The following RNF19B variants were observed in gnomAD, a reference collection of about 807,000 sequenced individuals.
RNF19B encodes ring finger protein 19B, also known as E3 ubiquitin-protein ligase RNF19B.
Under a neutral mutation model 65.5 loss-of-function variants are expected in RNF19B, and 23 were observed. That is an observed-to-expected ratio of 0.35 (90% CI 0.25 to 0.50). The LOEUF is 0.50. RNF19B is among the 20% of genes least tolerant of loss of function. The probability of loss-of-function intolerance (pLI) is 0.98; values close to 1 mark genes in which losing one functional copy is unlikely to be tolerated. For synonymous variants in RNF19B, 372 were observed against 379.6 expected, an observed-to-expected ratio of 0.98 and a Z score of 0.23; for missense variants, 794 against 980.0, an observed-to-expected ratio of 0.81 and a Z score of 2.53.
At chr1:32,943,600 A>T (rs2124127314) in intron 6 of RNF19B, among the ~76,000 whole-genome samples, 1 of 151,992 alleles carries the variant, frequency 6.6e-6, no homozygotes, top group African/African-American at 2.4e-5. Flanking sequence ...TGGGTGACAG[A>T]GACTCCGTCT....
At chr1:32,933,001 G>A (rs924080269), downstream of RNF19B, among the ~76,000 whole-genome samples, 21 of 152,236 alleles carry the variant, frequency 1.4e-4, no homozygotes, top group Middle Eastern at 6.8e-3. Flanking sequence ...TATCAAGGAG[G>A]ACCAACCTGG....
intron 1 of RNF19B, among the ~76,000 whole-genome samples, chr1:32,958,248 A>G (rs1642687460): frequency 6.6e-6 from 1 of 152,246 alleles, no homozygotes; most frequent in Non-Finnish European, 1.5e-5. Flanking sequence ...TTTATACTAC[A>G]TATTAGCATA....
intron 6 of RNF19B, 149 bp downstream of exon 6, chr1:32,943,870 G>C: frequency 1.3e-6 from 1 of 797,214 alleles, no homozygotes; most frequent in Non-Finnish European, 1.9e-6. Flanking sequence ...TTGGAACAAA[G>C]AAATGAAAAG....
Position 32,957,293 on chromosome 1 carries a change from CCAT to C in RNF19B, c.635+6755_635+6757del, listed in dbSNP as rs1260615657. Among the ~76,000 whole-genome samples the C allele has an allele frequency of 2.6e-5, 4 of 152,298 alleles. No homozygotes were observed. In the East Asian group the frequency reaches 7.7e-4, roughly 29 times the overall value. ...CAGCTGGGACCACAGGTGCACACCA[CCAT>C]GCCTGCTCCTCTGTGAAGTCTTTCT... is the stretch of plus-strand genomic sequence containing the variant. On this transcript the variant is annotated intron_variant, in intron 1 of 8. Transcript: ENST00000235150.
At chr1:32,953,312 T>A (rs1334563160) in intron 1 of RNF19B, among the ~76,000 whole-genome samples, 1 of 152,000 alleles carries the variant, frequency 6.6e-6, no homozygotes, top group African/African-American at 2.4e-5. Flanking sequence ...AATTGCAGGT[T>A]TCCGTGTTGC....
At chr1:32,953,686 CTAAAGA>C (rs1341721955) in intron 1 of RNF19B, among the ~76,000 whole-genome samples, 1 of 151,994 alleles carries the variant, frequency 6.6e-6, no homozygotes, top group Non-Finnish European at 1.5e-5. Flanking sequence ...AAAATAACTA[CTAAAGA>C]TAAACAACGT....
In RNF19B at chr1:32,940,286, A is replaced by AC. The variant is rs542813643; in HGVS notation, c.1611-1759dup. On this transcript the variant is annotated intron_variant, in intron 7 of 8. Coordinates refer to ENST00000235150, the MANE Select transcript of RNF19B (RefSeq NM_001300826.2). ...GGGGAGCTTTTGCAAAACACGGATC[A>AC]CCCCCTAGGTGCCACTCCAGGAAAT... 5.8e-3 allele frequency among the ~76,000 whole-genome samples: 887 copies of AC among 152,104 alleles called. 5 individuals are homozygous for AC. Among genetic ancestry groups the AC allele is most frequent in the Non-Finnish European group, 7.4e-3 (506 of 67,974 alleles).
intron 1 of RNF19B, among the ~76,000 whole-genome samples, chr1:32,958,830 T>C (rs750322487): frequency 1.3e-5 from 2 of 152,070 alleles, no homozygotes; most frequent in Non-Finnish European, 2.9e-5. Flanking sequence ...AGGTAGTCAA[T>C]GAATAGTCTT....
chr1:32,947,323 A>G (rs1642388721), intron 3 of RNF19B, among the ~76,000 whole-genome samples: 1 of 152,186 alleles, frequency 6.6e-6, no homozygotes, highest in African/African-American at 2.4e-5. Context: ...ATATTAGCAA[A>G]CATTTTGTTT....
intron 7 of RNF19B, among the ~76,000 whole-genome samples, chr1:32,939,687 A>G (rs551541921): frequency 2.0e-5 from 3 of 152,350 alleles, no homozygotes; most frequent in South Asian, 4.1e-4. Context: ...AGTGTCTCAG[A>G]GCCCATAACT....
chr1:32,934,432 G>A (rs1339232865), downstream of RNF19B, among the ~76,000 whole-genome samples: 1 of 152,160 alleles, frequency 6.6e-6, no homozygotes, highest in Non-Finnish European at 1.5e-5. Context: ...TGTAATCCCA[G>A]CACTTTAGGA....
At chr1:32,957,219 G>A (rs1247409104) in intron 1 of RNF19B, among the ~76,000 whole-genome samples, 1 of 152,106 alleles carries the variant, frequency 6.6e-6, no homozygotes, top group Non-Finnish European at 1.5e-5. Flanking sequence ...TACCCAGGCT[G>A]GTCTCGAACT....
rs561285853 is a variant in RNF19B, at chr1:32,959,467, G to A, written c.635+4584C>T. On this transcript the variant is annotated intron_variant, in intron 1 of 8. Transcript: ENST00000235150. Reference sequence around the variant, plus strand: ...GGGGTTTCTGAAAAGACATACTTGGGCAGAGACTCAAAAGCGTAAAAGATC... The same window carrying A: ...GGGGTTTCTGAAAAGACATACTTGGACAGAGACTCAAAAGCGTAAAAGATC... Among the ~76,000 whole-genome samples, 103 of 152,246 alleles carry A rather than the reference G, an allele frequency of 6.8e-4. No individual in the cohort carries two copies. The South Asian group carries it at 7.1e-3, about 10-fold the overall frequency.
At chr1:32,940,144 C>A (rs1431443591) in intron 7 of RNF19B, among the ~76,000 whole-genome samples, 1 of 152,208 alleles carries the variant, frequency 6.6e-6, no homozygotes, top group Non-Finnish European at 1.5e-5. Context: ...AGAGACCTGG[C>A]TTCTAGTTTC....
At chr1:32,960,513 A>G (rs1642744921) in intron 1 of RNF19B, among the ~76,000 whole-genome samples, 2 of 152,046 alleles carry the variant, frequency 1.3e-5, no homozygotes, top group Admixed American at 1.3e-4. Flanking sequence ...GTTCGTGCCT[A>G]TAATCCCAGT....
chr1:32,959,607 T>G (rs938717886), intron 1 of RNF19B, among the ~76,000 whole-genome samples: 1 of 152,114 alleles, frequency 6.6e-6, no homozygotes, highest in African/African-American at 2.4e-5. Context: ...TAAAATGAAA[T>G]TATGTCTGAA....
At chr1:32,953,496 T>G (rs1642560417) in intron 1 of RNF19B, among the ~76,000 whole-genome samples, 3 of 152,072 alleles carry the variant, frequency 2.0e-5, no homozygotes, top group Admixed American at 1.3e-4. Context: ...TATCATAGAG[T>G]CTGCAAATTG....
the RNF19B span, among the ~76,000 whole-genome samples, chr1:32,929,459 T>C: frequency 2.0e-5 from 3 of 152,206 alleles, 1 homozygote; most frequent in Non-Finnish European, 4.4e-5. Flanking sequence ...TGGAAGCCTC[T>C]ATTCTAACTA....
intron 1 of RNF19B, among the ~76,000 whole-genome samples, chr1:32,955,503 G>A (rs182800368): frequency 6.6e-6 from 1 of 151,272 alleles, no homozygotes; most frequent in Non-Finnish European, 1.5e-5. Flanking sequence ...GCCAAGGTGG[G>A]TGGATTGCTT....
Sources: gnomAD v4.1 joint callset for allele counts (sites outside exome capture counted in the v4.1 genomes callset) on GRCh38, gnomAD v4.1.1 for gene constraint, MANE v1.5 for transcripts, NCBI Gene and HGNC (gene_info 2026-07-23, HGNC 2026-07-21) for gene names.